Variants in SNAP91 observed in about 807,000 individuals in gnomAD.
The protein encoded by SNAP91 is synaptosome associated protein 91.
In SNAP91, 27 loss-of-function variants were observed where a neutral mutation model predicts 100.3. The ratio of observed to expected loss-of-function variants is 0.27; its 90% CI spans 0.20 to 0.37. SNAP91 has a LOEUF of 0.37. Among genes scored for constraint, SNAP91 ranks in the 10% least tolerant of loss-of-function variants. SNAP91 has a pLI of 1.00. For missense variants in SNAP91, 986 were observed against 1,123.7 expected (o/e 0.88, Z 1.75); for synonymous variants, 404 against 398.6 (o/e 1.01, Z -0.16).
chr6:83,615,684 T>C (rs2096444675), intron 10 of SNAP91, among the ~76,000 whole-genome samples: 1 of 152,212 alleles, frequency 6.6e-6, no homozygotes, highest in South Asian at 2.1e-4. Context: ...TTGTCTGTAA[T>C]ACTCTTATAC....
At chr6:83,592,009 A>G (rs1376527462) in intron 21 of SNAP91, among the ~76,000 whole-genome samples, 1 of 152,238 alleles carries the variant, frequency 6.6e-6, no homozygotes, top group Non-Finnish European at 1.5e-5. Flanking sequence ...AAACCTACAG[A>G]ATAATGTACA....
intron 8 of SNAP91, among the ~76,000 whole-genome samples, chr6:83,626,672 C>G (rs2096943293): frequency 6.6e-6 from 1 of 151,790 alleles, no homozygotes; most frequent in African/African-American, 2.4e-5. Context: ...GTTATTAGTG[C>G]ATAGAGATGC....
chr6:83,562,044 AC>A (rs1386527213), intron 26 of SNAP91, among the ~76,000 whole-genome samples: 1 of 152,174 alleles, frequency 6.6e-6, no homozygotes, highest in Non-Finnish European at 1.5e-5. Flanking sequence ...ATCAATAACA[AC>A]AACAAAAGCT....
At chr6:83,559,116 G>A (rs1039112551) in intron 28 of SNAP91, among the ~76,000 whole-genome samples, 1 of 152,088 alleles carries the variant, frequency 6.6e-6, no homozygotes, top group Admixed American at 6.6e-5. Flanking sequence ...ATTCAAGGTG[G>A]GCTCTGGGAA....
chr6:83,619,060 G>A (rs762268604), intron 9 of SNAP91, among the ~76,000 whole-genome samples: 16 of 151,510 alleles, frequency 1.1e-4, no homozygotes, highest in Admixed American at 3.9e-4. Flanking sequence ...CATTTTATTC[G>A]TTTTGTAAAG....
Position 83,593,206 on chromosome 6 carries a change from G to C in SNAP91, c.1750C>G (p.Pro584Ala). 6.3e-7 allele frequency: 1 copy of C among 1,595,582 alleles called. No homozygotes were observed. The highest frequency in any genetic ancestry group is 8.5e-7 in the Non-Finnish European group (1 of 1,170,626). Residue 584 changes from proline to alanine, a missense_variant, in exon 19 of 30, where the codon CCT becomes GCT. This residue lies in a region of SNAP91 where 575 missense variants were observed against 579.9 expected (regional missense o/e 0.99). Coordinates refer to ENST00000369694, the MANE Select transcript of SNAP91 (RefSeq NM_001242792.2). Reference sequence around the variant, plus strand: ...CCTGTACTAAACAGGTCTATGCTAGGAGCAGCATCTGGCTTAGGCGCTGCA... The same window carrying C: ...CCTGTACTAAACAGGTCTATGCTAGCAGCAGCATCTGGCTTAGGCGCTGCA... The part of the protein sequence containing the change: ...VAAAPKPDAA[P>A]SIDLFSTDAF...
At chr6:83,664,874 T>G (rs2098646630) in intron 3 of SNAP91, among the ~76,000 whole-genome samples, 1 of 152,112 alleles carries the variant, frequency 6.6e-6, no homozygotes, top group Admixed American at 6.6e-5. Flanking sequence ...CACTGTTGTC[T>G]TATTTTAAGA....
chr6:83,586,258 C>T (rs1179647485), intron 22 of SNAP91, among the ~76,000 whole-genome samples: 1 of 152,148 alleles, frequency 6.6e-6, no homozygotes, highest in Non-Finnish European at 1.5e-5. Flanking sequence ...TTTTTAATGC[C>T]ACACTGGGCA....
At chr6:83,567,270 C>T (rs975782732) in intron 26 of SNAP91, among the ~76,000 whole-genome samples, 4 of 152,154 alleles carry the variant, frequency 2.6e-5, no homozygotes. Flanking sequence ...TTTCTTTTAA[C>T]AGTGATCTTC....
intron 7 of SNAP91, among the ~76,000 whole-genome samples, chr6:83,655,073 C>T (rs747893273): frequency 6.6e-6 from 1 of 152,134 alleles, no homozygotes; most frequent in Non-Finnish European, 1.5e-5. Flanking sequence ...CAAGAACTGA[C>T]GGTATCTTAG....
At chr6:83,669,871 A>G (rs2098752426) in intron 2 of SNAP91, among the ~76,000 whole-genome samples, 1 of 152,016 alleles carries the variant, frequency 6.6e-6, no homozygotes, top group Non-Finnish European at 1.5e-5. Context: ...ATGAACATAC[A>G]AAAATTATTT....
intron 22 of SNAP91, among the ~76,000 whole-genome samples, chr6:83,584,929 C>T (rs1429959337): frequency 2.0e-5 from 3 of 152,102 alleles, no homozygotes; most frequent in Non-Finnish European, 2.9e-5. Context: ...ATAAAATTGT[C>T]GAGATCTGGC....
chr6:83,668,788 G>A (rs775544034), intron 2 of SNAP91, among the ~76,000 whole-genome samples: 9 of 151,940 alleles, frequency 5.9e-5, no homozygotes, highest in African/African-American at 1.2e-4. Context: ...TTTTCAGTTC[G>A]TTAGTAATTT....
At chr6:83,591,102 G>A (rs553945945) in intron 22 of SNAP91, 109 bp downstream of exon 22, 2 of 712,116 alleles carry the variant, frequency 2.8e-6, no homozygotes, top group South Asian at 1.8e-5. Flanking sequence ...TTTATGTCTT[G>A]AAAGAAAAAG....
At chr6:83,574,720 T>C (rs1815186058) in intron 26 of SNAP91, among the ~76,000 whole-genome samples, 1 of 152,182 alleles carries the variant, frequency 6.6e-6, no homozygotes, top group African/African-American at 2.4e-5. Flanking sequence ...CATTATTAAA[T>C]ATAAAGTCAT....
chr6:83,683,928 C>T (rs2099026136), intron 2 of SNAP91, among the ~76,000 whole-genome samples: 1 of 152,220 alleles, frequency 6.6e-6, no homozygotes, highest in Admixed American at 6.5e-5. Context: ...GATACTACCT[C>T]CTACAAATCT....
chr6:83,668,585 A>G (rs2098729173), intron 2 of SNAP91, among the ~76,000 whole-genome samples: 1 of 152,074 alleles, frequency 6.6e-6, no homozygotes. Context: ...CAAGAACAAA[A>G]AACCAAACAC....
intron 12 of SNAP91, among the ~76,000 whole-genome samples, chr6:83,610,113 C>G (rs191619645): frequency 6.6e-6 from 1 of 152,146 alleles, no homozygotes; most frequent in East Asian, 1.9e-4. Context: ...TGGGTATATA[C>G]CCCCAAAGAA....
At chr6:83,601,664 T>C (rs769495577) in intron 14 of SNAP91, 65 bp from the exon 15 acceptor site, 73 of 1,499,946 alleles carry the variant, frequency 4.9e-5, no homozygotes, top group Non-Finnish European at 6.4e-5. Context: ...CATGCAACCA[T>C]ACCAATGTCC....
Sources: gnomAD v4.1 joint callset for allele counts (sites outside exome capture counted in the v4.1 genomes callset) on GRCh38, gnomAD v4.1.1 for gene constraint, gnomAD v4.1.1 regional missense constraint, MANE v1.5 for transcripts, NCBI Gene and HGNC (gene_info 2026-07-23, HGNC 2026-07-21) for gene names.